The following NUFIP2 variants were observed in gnomAD, a reference collection of about 807,000 sequenced individuals.
NUFIP2 encodes nuclear FMR1 interacting protein 2.
NUFIP2 carries 6 observed loss-of-function variants against 56.9 expected under a neutral mutation model. The observed-to-expected ratio is 0.11, with a 90% CI of 0.06 to 0.21. The LOEUF is 0.21. NUFIP2 is among the 10% of genes least tolerant of loss of function. NUFIP2 has a pLI of 1.00. For missense variants in NUFIP2, 828 were observed against 826.8 expected (o/e 1.00, Z -0.02); for synonymous variants, 321 against 298.2 (o/e 1.08, Z -0.79).
rs778657016 is a variant in NUFIP2 at position 29,261,410 on chromosome 17, ATAAAC to A, written c.*3124_*3128del. The stretch of plus-strand genomic sequence containing the variant: ...TCCTCACACACACATACATACATAC[ATAAAC>A]ACACACACACACACACACCCCTTTT... On this transcript the variant is annotated 3_prime_UTR_variant, in exon 4 of 4. Coordinates refer to ENST00000225388, the MANE Select transcript of NUFIP2 (RefSeq NM_020772.3). The A allele has an allele frequency of 0.097, 14,343 of 147,376 alleles. 817 individuals are homozygous for A. Among genetic ancestry groups the A allele is most frequent in the South Asian group, 0.18 (846 of 4,608 alleles). The allele number at this position is 147,376 out of a possible 1,614,324, so 9.1% of individuals were successfully genotyped here.
At chr17:29,287,822 GAGCTGT>G in intron 1 of NUFIP2, 106 bp from the exon 2 acceptor site, 2 of 1,060,088 alleles carry the variant, frequency 1.9e-6, no homozygotes, top group Non-Finnish European at 2.6e-6. Flanking sequence ...ACTATGCTAT[GAGCTGT>G]AGCTTTATAT....
chr17:29,286,747 T>C lies in NUFIP2; in HGVS notation c.1247A>G (p.Asn416Ser). ...ATCAGTCCCTGCTAAAACAGGCCCA[T>C]TAGAAAAGTTGGCAGAAGTAACAGA... ...LKSVTSANFS[N>S]GPVLAGTDGN... is the part of the protein sequence containing the mutation. The change falls in exon 2 of 4, where the codon AAT (asparagine) becomes AGT (serine). Residue 416 changes from asparagine (N) to serine (S), a missense_variant. Asn to Ser is a conservative substitution (Grantham distance 46). Coordinates refer to ENST00000225388, the MANE Select transcript of NUFIP2 (RefSeq NM_020772.3). The C allele has an allele frequency of 6.2e-7, 1 of 1,613,962 alleles. No homozygotes were observed. Among genetic ancestry groups the C allele is most frequent in the Non-Finnish European group, 8.5e-7 (1 of 1,180,000 alleles).
chr17:29,284,063 T>A (rs1428586166), intron 2 of NUFIP2, among the ~76,000 whole-genome samples: 1 of 152,244 alleles, frequency 6.6e-6, no homozygotes, highest in Non-Finnish European at 1.5e-5. Context: ...TTGTTATTCA[T>A]CCCTGAGGCA....
At chr17:29,285,352 T>C (rs1305288529) in intron 2 of NUFIP2, among the ~76,000 whole-genome samples, 1 of 149,762 alleles carries the variant, frequency 6.7e-6, no homozygotes, top group Admixed American at 6.7e-5. Context: ...TCCCAGCACT[T>C]TGGGAGGCCG....
At chr17:29,282,802 TAC>T (rs777067690) in intron 2 of NUFIP2, among the ~76,000 whole-genome samples, 109 of 151,976 alleles carry the variant, frequency 7.2e-4, no homozygotes, top group Admixed American at 1.4e-3. Context: ...AAGAAAATAA[TAC>T]AGATGTTCTT....
intron 3 of NUFIP2, among the ~76,000 whole-genome samples, chr17:29,265,291 T>G (rs1456674341): frequency 7.6e-6 from 1 of 131,694 alleles, no homozygotes; most frequent in Admixed American, 7.7e-5. Context: ...ATTTTTATTT[T>G]TTTATTTTAT....
intron 2 of NUFIP2, among the ~76,000 whole-genome samples, chr17:29,271,516 G>A (rs896285497): frequency 8.0e-5 from 12 of 149,808 alleles, no homozygotes; most frequent in African/African-American, 2.0e-4. Flanking sequence ...CAGCCTGGGC[G>A]AAAGAGCAAG....
chr17:29,276,029 A>AATATATAT lies in NUFIP2; in HGVS notation c.2003-8507_2003-8500dup, dbSNP rs71135888. ...GGTGACAGAGTAAGACTCCGTCTCA[A>AATATATAT]ATATATATATATATATATATCTGAA... On this transcript the variant is annotated intron_variant, in intron 2 of 3. Transcript: ENST00000225388. 4.2e-3 allele frequency among the ~76,000 whole-genome samples: 586 copies of AATATATAT among 138,198 alleles called. 14 individuals carry two copies. Among genetic ancestry groups the AATATATAT allele is most frequent in the African/African-American group, 0.015 (540 of 35,770 alleles). 90.7% of individuals were successfully genotyped at this position (138,198 alleles called of 152,430 possible). A position where few individuals can be genotyped will look rare whatever the true frequency, so the allele number is the denominator to read the frequency against.
rs1471808667 is a variant in NUFIP2, at chr17:29,287,661, C to T, written c.333G>A (p.Leu111=). Residue 111 remains leucine (L), a synonymous_variant, in exon 2 of 4, where the codon CTG becomes CTA. Transcript: ENST00000225388. ...AGEREISLKN[L]SSDEATNPIS... ...TAGGGTTGGTGGCTTCATCAGAACT[C>T]AGGTTCTTTAAAGATATTTCTCTTT... 1 of 1,613,486 alleles carries T rather than the reference C, an allele frequency of 6.2e-7. No individual in the cohort carries two copies. Among genetic ancestry groups the T allele is most frequent in the Admixed American group, 1.7e-5 (1 of 59,844 alleles).
At chr17:29,275,121 C>T (rs1941265348) in intron 2 of NUFIP2, among the ~76,000 whole-genome samples, 1 of 151,990 alleles carries the variant, frequency 6.6e-6, no homozygotes, top group Non-Finnish European at 1.5e-5. Context: ...TGGCTTCAGG[C>T]AATTCTCCTG....
At chr17:29,292,565 G>T (rs2069221896) in intron 1 of NUFIP2, among the ~76,000 whole-genome samples, 1 of 151,294 alleles carries the variant, frequency 6.6e-6, no homozygotes, top group South Asian at 2.1e-4. Flanking sequence ...TACCCCACCC[G>T]GCCTCAGGCA....
Position 29,294,073 on chromosome 17 carries a change from G to T in NUFIP2, c.-14C>A. On this transcript the variant is annotated 5_prime_UTR_variant, in exon 1 of 4. Transcript: ENST00000225388. ...CTTCTCCTCCATTGAAAGCGGCTGG[G>T]ACTCCCTGGCTGAGGCTGCGGGCTG... 1 of 1,584,524 alleles carries T rather than the reference G, an allele frequency of 6.3e-7. No individual in the cohort carries two copies. Among genetic ancestry groups the T allele is most frequent in the East Asian group, 2.2e-5 (1 of 44,596 alleles).
At chr17:29,284,631 G>C (rs34116625) in intron 2 of NUFIP2, among the ~76,000 whole-genome samples, 1 of 149,718 alleles carries the variant, frequency 6.7e-6, no homozygotes, top group Non-Finnish European at 1.5e-5. Context: ...ACTTGAACCC[G>C]GGAGGCGGAG....
Position 29,292,900 on chromosome 17 carries a change from GGTGCGGGGGGCGCCGGCGCCCCCGCA to G in NUFIP2, c.277+857_277+882del, listed in dbSNP as rs1350037497. On this transcript the variant is annotated intron_variant, in intron 1 of 3. Coordinates refer to ENST00000225388, the MANE Select transcript of NUFIP2 (RefSeq NM_020772.3). ...CGGCGACGGGGGGGGGGGCGGCCGCGGTGCGGGGGGCGCCGGCGCCCCCGCAGTGCAGGGGGCGAGGCTGCGGCCGG... is the reference window on the plus strand; with the variant it reads ...CGGCGACGGGGGGGGGGGCGGCCGCGGTGCAGGGGGCGAGGCTGCGGCCGG... Among the ~76,000 whole-genome samples, 197 of 143,390 alleles carry G rather than the reference GGTGCGGGGGGCGCCGGCGCCCCCGCA, an allele frequency of 1.4e-3. 2 individuals carry two copies. Among genetic ancestry groups the G allele is most frequent in the South Asian group, 0.012 (56 of 4,576 alleles). The allele number at this position is 143,390 out of a possible 152,430, so 94.1% of individuals were successfully genotyped here.
At chr17:29,270,338 A>C (rs2069064329) in intron 2 of NUFIP2, among the ~76,000 whole-genome samples, 1 of 151,840 alleles carries the variant, frequency 6.6e-6, no homozygotes, top group Admixed American at 6.6e-5. Flanking sequence ...AAAAAAAAAA[A>C]AAAGATGACG....
At chr17:29,277,381 A>G (rs926945367) in intron 2 of NUFIP2, among the ~76,000 whole-genome samples, 2 of 152,182 alleles carry the variant, frequency 1.3e-5, no homozygotes, top group Non-Finnish European at 2.9e-5. Flanking sequence ...GATAGATAAC[A>G]AATCAACATA....
chr17:29,277,963 G>C (rs1401506943), intron 2 of NUFIP2, among the ~76,000 whole-genome samples: 1 of 152,096 alleles, frequency 6.6e-6, no homozygotes, highest in East Asian at 1.9e-4. Flanking sequence ...AGTGAGCCGA[G>C]ATCGCGCCAC....
rs532443304 is a variant in NUFIP2, at chr17:29,261,170, T to C, written c.*3369A>G. 6.6e-6 allele frequency: 1 copy of C among 152,042 alleles called. No homozygotes were observed. The highest frequency in any genetic ancestry group is 2.1e-4 in the South Asian group (1 of 4,818). 9.4% of individuals were successfully genotyped at this position (152,042 alleles called of 1,614,324 possible). A position where few individuals can be genotyped will look rare whatever the true frequency, so the allele number is the denominator to read the frequency against. ...TAATCAAAACAGATTTAAAAAGAAA[T>C]CTTCACCCATAATTAGTATCTTCAT... is the stretch of plus-strand genomic sequence containing the variant. On this transcript the variant is annotated 3_prime_UTR_variant, in exon 4 of 4. Coordinates refer to ENST00000225388, the MANE Select transcript of NUFIP2 (RefSeq NM_020772.3).
chr17:29,293,733 C>T, intron 1 of NUFIP2, 50 bp downstream of exon 1: 1 of 1,238,488 alleles, frequency 8.1e-7, no homozygotes, highest in South Asian at 1.4e-5. Flanking sequence ...CCCCATCTCT[C>T]CTGTCCTCCA....
Sources: gnomAD v4.1 joint callset for allele counts (sites outside exome capture counted in the v4.1 genomes callset) on GRCh38, gnomAD v4.1.1 for gene constraint, MANE v1.5 for transcripts, NCBI Gene and HGNC (gene_info 2026-07-23, HGNC 2026-07-21) for gene names.